Variants in DSCC1 observed in about 807,000 individuals in gnomAD.
DSCC1 encodes DNA replication and sister chromatid cohesion 1, also known as sister chromatid cohesion protein DCC1.
Under a neutral mutation model 48.2 loss-of-function variants are expected in DSCC1, and 32 were observed. The ratio of observed to expected loss-of-function variants is 0.66; its 90% confidence interval spans 0.50 to 0.89. The LOEUF (loss-of-function observed/expected upper bound fraction) is 0.89, where lower values mean the gene tolerates loss of function less well. DSCC1 is among the 40% of genes least tolerant of loss of function. The pLI is 0.00. For missense variants in DSCC1, 421 were observed against 471.7 expected (o/e 0.89, Z 1.00); for synonymous variants, 150 against 171.5 (o/e 0.87, Z 0.98).
chr8:119,845,876 G>A (rs937513190), intron 4 of DSCC1, among the ~76,000 whole-genome samples: 7 of 152,070 alleles, frequency 4.6e-5, no homozygotes, highest in South Asian at 2.1e-4. Context: ...TTGAACCCAC[G>A]AGACGGAGGC....
chr8:119,852,574 C>T (rs1046232350), intron 2 of DSCC1, among the ~76,000 whole-genome samples: 57 of 152,240 alleles, frequency 3.7e-4, no homozygotes, highest in African/African-American at 1.3e-3. Flanking sequence ...AGGCTAGTCT[C>T]AAACTCCTGA....
chr8:119,840,191 T>C (rs945648716), intron 7 of DSCC1: 3 of 152,224 alleles, frequency 2.0e-5, no homozygotes, highest in African/African-American at 7.2e-5. Flanking sequence ...TGCCAGGTAG[T>C]ATGCTACATA....
intron 8 of DSCC1, among the ~76,000 whole-genome samples, 176 bp from the exon 9 acceptor site, chr8:119,835,177 T>A (rs1303916089): frequency 6.6e-6 from 1 of 152,226 alleles, no homozygotes; most frequent in African/African-American, 2.4e-5. Flanking sequence ...TTAAATTAAG[T>A]ACATTATATG....
intron 8 of DSCC1, among the ~76,000 whole-genome samples, chr8:119,836,504 G>C (rs1826685909): frequency 6.6e-6 from 1 of 152,082 alleles, no homozygotes; most frequent in African/African-American, 2.4e-5. Context: ...CTCATAGTTT[G>C]AACCAGAAGG....
At chr8:119,854,811 C>T (rs570095883) in intron 1 of DSCC1, among the ~76,000 whole-genome samples, 1 of 152,224 alleles carries the variant, frequency 6.6e-6, no homozygotes, top group Non-Finnish European at 1.5e-5. Context: ...AGGTATATAG[C>T]AGGTATCTGA....
intron 1 of DSCC1, 100 bp downstream of exon 1, chr8:119,855,514 C>T (rs985675165): frequency 2.8e-6 from 4 of 1,422,688 alleles, no homozygotes; most frequent in Admixed American, 2.5e-5. Flanking sequence ...CCGGCCAGGT[C>T]AGTGCATCTC....
chr8:119,842,942 G>A (rs1826795104), intron 5 of DSCC1, 114 bp from the exon 6 acceptor site: 2 of 826,338 alleles, frequency 2.4e-6, no homozygotes, highest in East Asian at 2.9e-5. Context: ...AATACTAAGT[G>A]ATTTTGGTTG....
intron 7 of DSCC1, among the ~76,000 whole-genome samples, chr8:119,841,245 G>T (rs1331309274): frequency 1.3e-5 from 2 of 152,134 alleles, no homozygotes; most frequent in Admixed American, 6.5e-5. Context: ...GCCTGCCTTG[G>T]TCTCTCAAAG....
chr8:119,841,974 C>A (rs1289830347), intron 6 of DSCC1, 26 bp from the exon 7 acceptor site: 3 of 1,605,584 alleles, frequency 1.9e-6, no homozygotes, highest in East Asian at 2.2e-5. Context: ...CAGATATTTT[C>A]ATATTATCAT....
At chr8:119,852,798 T>C (rs1826959631) in intron 2 of DSCC1, 1 of 336,740 alleles carries the variant, frequency 3.0e-6, no homozygotes. Context: ...TAACAAACTT[T>C]GCACATTATA....
chr8:119,842,489 CCT>C (rs1826787870), intron 6 of DSCC1, among the ~76,000 whole-genome samples: 1 of 151,458 alleles, frequency 6.6e-6, no homozygotes, highest in Non-Finnish European at 1.5e-5. Flanking sequence ...CTCAGGTGAT[CCT>C]CCCACCTCGG....
chr8:119,834,653 T>G lies in DSCC1; in HGVS notation c.*240A>C. ...AAATAAATCATAGAGACCTCAGACA[T>G]AATATAGGAAAGAATTCTTTTGTCC... On this transcript the variant is annotated 3_prime_UTR_variant, in exon 9 of 9. Transcript: ENST00000313655. 1 of 371,884 alleles carries G rather than the reference T, an allele frequency of 2.7e-6. No individual in the cohort carries two copies. The highest frequency in any genetic ancestry group is 4.8e-6 in the Non-Finnish European group (1 of 208,618). The allele number at this position is 371,884 out of a possible 1,614,324, so 23.0% of individuals were successfully genotyped here.
intron 1 of DSCC1, among the ~76,000 whole-genome samples, chr8:119,854,499 T>C (rs1040812164): frequency 1.3e-5 from 2 of 152,238 alleles, no homozygotes; most frequent in African/African-American, 2.4e-5. Flanking sequence ...TTCCTAATGC[T>C]AATAATGCTT....
chr8:119,842,461 C>A (rs35496588), intron 6 of DSCC1, among the ~76,000 whole-genome samples: 109,405 of 150,264 alleles, frequency 0.73, 41,068 homozygotes, highest in African/African-American at 0.91. Flanking sequence ...GGTTCATTGC[C>A]GCCTCGACCT....
intron 1 of DSCC1, 55 bp downstream of exon 1, chr8:119,855,559 T>G: frequency 3.3e-6 from 5 of 1,508,038 alleles, no homozygotes; most frequent in South Asian, 1.2e-5. Context: ...CTTTCCCCGC[T>G]GAGAAAATAA....
intron 3 of DSCC1, among the ~76,000 whole-genome samples, chr8:119,849,791 T>G (rs1275805399): frequency 6.6e-6 from 1 of 152,140 alleles, no homozygotes. Flanking sequence ...ACCAAAAAAA[T>G]TTTTAGAAAG....
chr8:119,848,107 G>T (rs1960439), intron 3 of DSCC1, among the ~76,000 whole-genome samples: 1 of 151,728 alleles, frequency 6.6e-6, no homozygotes, highest in Non-Finnish European at 1.5e-5. Flanking sequence ...TGGGACTACA[G>T]GTGTGCAGCC....
rs1374196281 is a variant in DSCC1 at position 119,849,202 on chromosome 8, A to AG, written c.486+1179_486+1180insC. Among the ~76,000 whole-genome samples, 538 of 147,818 alleles carry AG rather than the reference A, an allele frequency of 3.6e-3. 4 individuals are homozygous for AG. The highest frequency in any genetic ancestry group is 6.3e-3 in the Non-Finnish European group (419 of 66,802). ...TCCCTCTCAAAAAAAAAAAAAAAAA[A>AG]AAAAGACTAGCCTGGCCAACATGGT... On this transcript the variant is annotated intron_variant, in intron 3 of 8. Transcript: ENST00000313655.
At chr8:119,855,012 G>A (rs963354151) in intron 1 of DSCC1, among the ~76,000 whole-genome samples, 2 of 152,182 alleles carry the variant, frequency 1.3e-5, no homozygotes, top group Admixed American at 1.3e-4. Context: ...ACAGGGTGGA[G>A]GGATATAACG....
Sources: allele counts gnomAD v4.1 joint callset (sites outside exome capture counted in the v4.1 genomes callset), GRCh38; gene constraint gnomAD v4.1.1; transcripts MANE v1.5; gene names NCBI Gene and HGNC (gene_info 2026-07-23, HGNC 2026-07-21).